Variants in MED23 observed in about 807,000 individuals in gnomAD.
MED23 encodes the protein mediator complex subunit 23.
A neutral mutation model predicts 163.9 loss-of-function variants in MED23; 105 were observed. That is an observed-to-expected ratio of 0.64 (90% CI 0.55 to 0.75). The LOEUF (loss-of-function observed/expected upper bound fraction) is 0.75. Ranked by LOEUF, MED23 falls within the 30% of genes least tolerant of loss-of-function variation. The pLI, the probability that MED23 is intolerant of heterozygous loss-of-function variation, is 0.00. For missense variants in MED23, 1,054 were observed against 1,649.0 expected (o/e 0.64, Z 6.25); for synonymous variants, 561 against 565.6 (o/e 0.99, Z 0.12).
At chr6:131,595,864 G>T in intron 22 of MED23, 83 bp downstream of exon 22, 1 of 989,668 alleles carries the variant, frequency 1.0e-6, no homozygotes, top group Non-Finnish European at 1.6e-6. Context: ...AAAACCTTTA[G>T]AGCCACTATT....
In MED23 at chr6:131,606,603, T is replaced by C. The variant is rs778536529; in HGVS notation, c.1243A>G (p.Asn415Asp). The change falls in exon 13 of 29, where the codon AAC becomes GAC. Residue 415 changes from asparagine to aspartate, a missense_variant. By Grantham distance (23) the Asn-to-Asp change is conservative. This residue lies in a region of MED23 where 61 missense variants were observed against 154.2 expected (regional missense o/e 0.40). Transcript: ENST00000368068. ...AAGGCATGGGTTGACTGGGGTTTGTTAATATCAGGAACTGGGATATACTGA... is the reference window on the plus strand; with the variant it reads ...AAGGCATGGGTTGACTGGGGTTTGTCAATATCAGGAACTGGGATATACTGA... Reference protein sequence around the residue: ...EKEYIPVPDINKPQSTHAFAM... With the variant: ...EKEYIPVPDIDKPQSTHAFAM... 1 of 1,611,998 alleles carries C rather than the reference T, an allele frequency of 6.2e-7. No homozygotes were observed. The highest frequency in any genetic ancestry group is 1.1e-5 in the South Asian group (1 of 91,026).
rs1179308036 is a variant in MED23, at chr6:131,595,978, C to G, written c.2964G>C (p.Leu988=). ...LPVSKSLETL[L]DHLGGLYKFH... The stretch of plus-strand genomic sequence containing the variant: ...ATTTATATAAGCCTCCTAGATGATC[C>G]AGTAGAGTCTCCAGTGATTTGGATA... Residue 988 remains leucine, a synonymous_variant, in exon 22 of 29, where the codon CTG becomes CTC. Coordinates refer to ENST00000368068, the MANE Select transcript of MED23 (RefSeq NM_004830.4). 1 of 1,613,778 alleles carries G rather than the reference C, an allele frequency of 6.2e-7. No individual in the cohort carries two copies. Among genetic ancestry groups the G allele is most frequent in the Non-Finnish European group, 8.5e-7 (1 of 1,179,932 alleles).
At chr6:131,626,112 ACT>A (rs1295324076) in intron 3 of MED23, among the ~76,000 whole-genome samples, 1 of 135,996 alleles carries the variant, frequency 7.4e-6, no homozygotes, top group East Asian at 2.0e-4. Context: ...ACAGAGTGAG[ACT>A]CTGTCTCCAA....
rs528499381 is a variant in MED23, at chr6:131,594,537, G to A, written c.2996-202C>T. ...GAATGTTTCTAGTAATATACAGTTT[G>A]TATTTATATTTGTTTTTATTTAAGT... On this transcript the variant is annotated intron_variant, in intron 22 of 28. Coordinates refer to ENST00000368068, the MANE Select transcript of MED23 (RefSeq NM_004830.4). 2.0e-5 allele frequency among the ~76,000 whole-genome samples: 3 copies of A among 152,230 alleles called. No individual in the cohort carries two copies. The East Asian group carries it at 5.8e-4, about 29-fold the overall frequency.
intron 30 of MED23, chr6:131,581,455 A>G (rs1773921222): frequency 7.0e-7 from 1 of 1,428,396 alleles, no homozygotes; most frequent in South Asian, 1.2e-5. Flanking sequence ...GAAATGAGAA[A>G]CTCCATGTTA....
intron 30 of MED23, among the ~76,000 whole-genome samples, chr6:131,575,525 A>G (rs1231424531): frequency 6.6e-6 from 1 of 152,188 alleles, no homozygotes; most frequent in Non-Finnish European, 1.5e-5. Context: ...TGCCAGGGAC[A>G]GGAATTTAAC....
chr6:131,576,521 G>T, intron 30 of MED23: 1 of 759,004 alleles, frequency 1.3e-6, no homozygotes, highest in Non-Finnish European at 2.3e-6. Context: ...AAGATTAAAA[G>T]AGATGATGTA....
intron 4 of MED23, among the ~76,000 whole-genome samples, chr6:131,624,334 T>C (rs78670628): frequency 0.024 from 3,729 of 152,270 alleles, 80 homozygotes; most frequent in Non-Finnish European, 0.039. Flanking sequence ...GGCTCCACCA[T>C]GAGGTGAGAA....
chr6:131,606,535 T>C lies in MED23; in HGVS notation c.1311A>G (p.Gln437=). 2 of 1,613,704 alleles carry C rather than the reference T, an allele frequency of 1.2e-6. No homozygotes were observed. Among genetic ancestry groups the C allele is most frequent in the Non-Finnish European group, 1.7e-6 (2 of 1,179,730 alleles). ...GAATCTGTAGCTTGGAGTTGTCATT[T>C]TGAGCTTTTCTATTGAGATGAATCC... ...CIWIHLNRKA[Q]NDNSKLQIPI... is the part of the protein sequence containing the mutation. Residue 437 remains glutamine, a synonymous_variant, in exon 13 of 29, where the codon CAA becomes CAG. Transcript: ENST00000368068.
At chr6:131,616,799 TGA>T (rs1776723738) in intron 9 of MED23, among the ~76,000 whole-genome samples, 1 of 152,124 alleles carries the variant, frequency 6.6e-6, no homozygotes, top group African/African-American at 2.4e-5. Flanking sequence ...CCAGCCTGGG[TGA>T]CAGAGTGAGA....
downstream of MED23, chr6:131,582,469 C>CTCT (rs1449108005): frequency 1.3e-4 from 85 of 672,806 alleles, no homozygotes; most frequent in Admixed American, 4.0e-4. Context: ...GGCACACATC[C>CTCT]TCTTCTTAAT....
rs779949397 is a variant in MED23, at chr6:131,576,726, AAAG to A, written c.4096-2434_4096-2432del. 2 of 1,613,742 alleles carry A rather than the reference AAAG, an allele frequency of 1.2e-6. No individual in the cohort carries two copies. Among genetic ancestry groups the A allele is most frequent in the Non-Finnish European group, 1.7e-6 (2 of 1,179,674 alleles). On this transcript the variant is annotated intron_variant, in intron 30 of 30. Transcript: ENST00000354577. ...AAAGGCTGGTCTGCTTGAGAAACTT[AAAG>A]AACAAGGTAATTTTTAAGTTGAAAA...
At chr6:131,583,191 T>A, downstream of MED23, 4 of 1,577,136 alleles carry the variant, frequency 2.5e-6, no homozygotes, top group Non-Finnish European at 3.5e-6. Context: ...TGTGCACACA[T>A]GTGTGTGCAA....
chr6:131,615,445 C>T, intron 10 of MED23: 5 of 1,011,050 alleles, frequency 4.9e-6, no homozygotes, highest in Non-Finnish European at 7.5e-6. Flanking sequence ...CTCAAGGAAC[C>T]CAGAGTCAGC....
At chr6:131,584,279 C>A, downstream of MED23, 1 of 210,946 alleles carries the variant, frequency 4.7e-6, no homozygotes, top group Middle Eastern at 1.9e-3. Context: ...TACTATGTGT[C>A]CATGTCATTC....
In MED23 at chr6:131,600,131, T is replaced by C. The variant is rs1252878273; in HGVS notation, c.2127A>G (p.Gly709=). ...TCTGAAGTATGTCTTTACACCAAGT[T>C]CCCTGAATTGAATCAGAGCCTGTAA... The part of the protein sequence containing the change: ...DFFTGSDSIQ[G]TWCKDILQTI... Residue 709 remains glycine, a synonymous_variant, in exon 18 of 29, where the codon GGA becomes GGG. Transcript: ENST00000368068. 1 of 1,612,296 alleles carries C rather than the reference T, an allele frequency of 6.2e-7. No homozygotes were observed. The highest frequency in any genetic ancestry group is 1.3e-5 in the African/African-American group (1 of 74,788).
In MED23 at chr6:131,579,210, G is replaced by A. The variant is rs1296916689; in HGVS notation, c.4096-4915C>T. The A allele has an allele frequency of 8.7e-6, 14 of 1,614,024 alleles. No homozygotes were observed. The highest frequency in any genetic ancestry group is 1.1e-5 in the Non-Finnish European group (13 of 1,180,042). The stretch of plus-strand genomic sequence containing the variant: ...AATCCAAGGTCTGTGGGAAAAGCAA[G>A]CGAGCAGCTGGCTGGCAAGGTGGCA... On this transcript the variant is annotated intron_variant, in intron 30 of 30. Transcript: ENST00000354577.
chr6:131,624,099 T>C (rs1257452062), intron 4 of MED23, among the ~76,000 whole-genome samples: 1 of 152,208 alleles, frequency 6.6e-6, no homozygotes, highest in Non-Finnish European at 1.5e-5. Context: ...CACCTTGTGG[T>C]ACACTGGATT....
At chr6:131,581,108 T>C (rs1330883541) in intron 30 of MED23, 2 of 1,052,144 alleles carry the variant, frequency 1.9e-6, no homozygotes, top group Non-Finnish European at 2.9e-6. Context: ...CTATCAGAAA[T>C]ATCAGACACT....
Sources: gnomAD v4.1 joint callset for allele counts (sites outside exome capture counted in the v4.1 genomes callset) on GRCh38, gnomAD v4.1.1 for gene constraint, gnomAD v4.1.1 regional missense constraint, MANE v1.5 for transcripts, NCBI Gene and HGNC (gene_info 2026-07-23, HGNC 2026-07-21) for gene names.